Variants in TRAPPC9 observed in about 807,000 individuals in gnomAD.
TRAPPC9 encodes IKK2 binding protein.
A neutral mutation model predicts 124.0 loss-of-function variants in TRAPPC9; 83 were observed. The ratio of observed to expected loss-of-function variants is 0.67; its 90% CI spans 0.56 to 0.80. The LOEUF is 0.80. TRAPPC9 is among the 30% of genes least tolerant of loss of function. TRAPPC9 has a pLI of 0.00. For missense variants in TRAPPC9, 1,302 were observed against 1,508.3 expected, an observed-to-expected ratio of 0.86 and a Z score of 2.27; for synonymous variants, 638 against 617.5, an observed-to-expected ratio of 1.03 and a Z score of -0.49.
chr8:140,451,086 A>G lies in TRAPPC9; in HGVS notation c.288T>C (p.Phe96=), dbSNP rs3735802. 0.56 allele frequency: 903,845 copies of G among 1,613,678 alleles called. 254,595 individuals are homozygous for G. The highest frequency in any genetic ancestry group is 0.57 in the Non-Finnish European group (668,839 of 1,179,930). ...CFSAKDWPQT[F]EKFHVQKEIY... ...TCTCCTTCTGCACGTGGAACTTCTC[A>G]AAGGTCTGTGGCCAGTCCTTGGCCG... The change falls in exon 2 of 23, where the codon TTT becomes TTC. Residue 96 remains phenylalanine, a synonymous_variant. Coordinates refer to ENST00000438773, the MANE Select transcript of TRAPPC9 (RefSeq NM_001160372.4).
chr8:140,128,555 G>C (rs2061140074), intron 17 of TRAPPC9, among the ~76,000 whole-genome samples: 1 of 152,234 alleles, frequency 6.6e-6, no homozygotes, highest in Non-Finnish European at 1.5e-5. Flanking sequence ...CATTCTCTTT[G>C]AGAGAAGTGA....
chr8:140,245,427 T>C (rs2063958541), intron 16 of TRAPPC9, among the ~76,000 whole-genome samples: 1 of 152,076 alleles, frequency 6.6e-6, no homozygotes, highest in Admixed American at 6.5e-5. Flanking sequence ...TAACTCTCTC[T>C]TAAACTACAG....
chr8:140,283,927 G>C lies in TRAPPC9; in HGVS notation c.2076C>G (p.Pro692=). The change falls in exon 14 of 23, where the codon CCC becomes CCG. Residue 692 remains proline, a synonymous_variant. Transcript: ENST00000438773. ...KTSGSTVEVI[P]ALPRLQISTS... The stretch of plus-strand genomic sequence containing the variant: ...TGCTGATCTGCAGTCTTGGCAACGC[G>C]GGAATGACTTCCACTGTGGAGCCAC... 6.2e-7 allele frequency: 1 copy of C among 1,614,086 alleles called. No individual in the cohort carries two copies.
intron 21 of TRAPPC9, among the ~76,000 whole-genome samples, chr8:139,885,426 G>T (rs1407321053): frequency 6.6e-6 from 1 of 152,180 alleles, no homozygotes; most frequent in Non-Finnish European, 1.5e-5. Context: ...ATGCATAGTC[G>T]TGGTGAGTGG....
At chr8:140,397,791 GT>G in intron 6 of TRAPPC9, 46 bp from the exon 7 acceptor site, 1 of 1,610,876 alleles carries the variant, frequency 6.2e-7, no homozygotes, top group Admixed American at 1.7e-5. Flanking sequence ...GAGTTCAGAT[GT>G]TTCTGTCACA....
chr8:139,930,764 C>G, intron 19 of TRAPPC9, among the ~76,000 whole-genome samples: 1 of 152,200 alleles, frequency 6.6e-6, no homozygotes, highest in South Asian at 2.1e-4. Flanking sequence ...CTCATTCCAC[C>G]GCTGTCTCAT....
chr8:139,903,378 A>G (rs192567664), intron 20 of TRAPPC9, among the ~76,000 whole-genome samples: 2 of 152,304 alleles, frequency 1.3e-5, no homozygotes, highest in Admixed American at 1.3e-4. Flanking sequence ...GGCCCAGGTC[A>G]TTCGCCTTCA....
rs111349900 is a variant in TRAPPC9 at position 140,011,390 on chromosome 8, A to C, written c.2699+12547T>G. 1.1e-4 allele frequency among the ~76,000 whole-genome samples: 17 copies of C among 151,792 alleles called. 1 individual carries two copies. Among genetic ancestry groups the C allele is most frequent in the African/African-American group, 4.1e-4 (17 of 41,460 alleles). ...TAGTAACAATATTATATATATTTAG[A>C]TGAATTAAAAATTTGGAAAAATTTG... On this transcript the variant is annotated intron_variant, in intron 18 of 22. Transcript: ENST00000438773.
chr8:140,358,437 C>T (rs989077489), intron 9 of TRAPPC9, among the ~76,000 whole-genome samples: 1 of 152,176 alleles, frequency 6.6e-6, no homozygotes, highest in Non-Finnish European at 1.5e-5. Flanking sequence ...GATCTCCTGA[C>T]CTCAGGTGAT....
At chr8:140,220,652 T>C (rs766022050) in intron 17 of TRAPPC9, among the ~76,000 whole-genome samples, 5 of 152,160 alleles carry the variant, frequency 3.3e-5, no homozygotes, top group Non-Finnish European at 7.3e-5. Flanking sequence ...CTCCTCTTGG[T>C]TGAGTGACAG....
intron 19 of TRAPPC9, among the ~76,000 whole-genome samples, chr8:139,980,705 C>T (rs547296495): frequency 2.6e-5 from 4 of 152,224 alleles, no homozygotes; most frequent in East Asian, 1.9e-4. Context: ...GAAGCCAGCT[C>T]GGGGCGGAGT....
At chr8:140,270,991 G>C (rs567275808) in intron 15 of TRAPPC9, among the ~76,000 whole-genome samples, 2 of 152,314 alleles carry the variant, frequency 1.3e-5, no homozygotes, top group East Asian at 1.9e-4. Flanking sequence ...ATGAATAATG[G>C]GCACACGATT....
chr8:140,049,907 C>T (rs1841873690), intron 17 of TRAPPC9, among the ~76,000 whole-genome samples: 1 of 152,234 alleles, frequency 6.6e-6, no homozygotes, highest in Non-Finnish European at 1.5e-5. Flanking sequence ...AATTCCACCA[C>T]AACTCAGTCC....
At chr8:140,190,996 CCT>C (rs1428613739) in intron 17 of TRAPPC9, among the ~76,000 whole-genome samples, 2 of 152,098 alleles carry the variant, frequency 1.3e-5, no homozygotes, top group Admixed American at 6.5e-5. Flanking sequence ...GCTGTTAATC[CCT>C]GTTCTCAAAT....
At chr8:140,122,023 T>TTCCC (rs1554627650) in intron 17 of TRAPPC9, among the ~76,000 whole-genome samples, 1 of 138,438 alleles carries the variant, frequency 7.2e-6, no homozygotes, top group African/African-American at 2.7e-5. Context: ...CTTTCTTTCT[T>TTCCC]TCTCTCTCTC....
rs552235649 is a variant in TRAPPC9 at position 140,172,443 on chromosome 8, C to G, written c.2556+49016G>C. Among the ~76,000 whole-genome samples the G allele has an allele frequency of 1.4e-4, 12 of 84,162 alleles. No homozygotes were observed. In the South Asian group the frequency reaches 1.5e-3, roughly 10 times the overall value. The allele number at this position is 84,162 out of a possible 152,430, so 55.2% of individuals were successfully genotyped here. A position where few individuals can be genotyped will look rare whatever the true frequency, so the allele number is the denominator to read the frequency against. Reference sequence around the variant, plus strand: ...GCAATGGAGGGGGGTTAAACTACCTCTGGGCAATGGAGGGGGGTTAAACTA... The same window carrying G: ...GCAATGGAGGGGGGTTAAACTACCTGTGGGCAATGGAGGGGGGTTAAACTA... On this transcript the variant is annotated intron_variant, in intron 17 of 22. Transcript: ENST00000438773.
At chr8:140,077,740 T>C (rs1843590842) in intron 17 of TRAPPC9, among the ~76,000 whole-genome samples, 1 of 152,042 alleles carries the variant, frequency 6.6e-6, no homozygotes, top group South Asian at 2.1e-4. Context: ...GCCCCAGGGA[T>C]GGGACCAGAA....
intron 21 of TRAPPC9, among the ~76,000 whole-genome samples, chr8:139,767,042 C>T (rs992822087): frequency 1.3e-5 from 2 of 152,194 alleles, no homozygotes; most frequent in African/African-American, 4.8e-5. Context: ...CTGGACTGTG[C>T]CCCCTGCTAT....
At chr8:139,883,621 T>A (rs565717177) in intron 21 of TRAPPC9, among the ~76,000 whole-genome samples, 10 of 152,362 alleles carry the variant, frequency 6.6e-5, no homozygotes, top group Admixed American at 6.5e-4. Context: ...TTTTAAAGGA[T>A]GTTCTTAGTA....
Sources: allele counts gnomAD v4.1 joint callset (sites outside exome capture counted in the v4.1 genomes callset), GRCh38; gene constraint gnomAD v4.1.1; transcripts MANE v1.5; gene names NCBI Gene and HGNC (gene_info 2026-07-23, HGNC 2026-07-21).